The following OTUD7A variants were observed in gnomAD, a reference collection of about 807,000 sequenced individuals.
OTUD7A encodes the protein OTU domain-containing protein 7A.
In OTUD7A, 12 loss-of-function variants were observed where a neutral mutation model predicts 65.7. That is an observed-to-expected ratio of 0.18 (90% CI 0.12 to 0.30). OTUD7A has a LOEUF of 0.30. OTUD7A is among the 10% of genes least tolerant of loss of function. The probability of loss-of-function intolerance (pLI) is 1.00; values close to 1 mark genes in which losing one functional copy is unlikely to be tolerated. For synonymous variants in OTUD7A, 641 were observed against 586.3 expected (o/e 1.09, Z -1.35); for missense variants, 1,148 against 1,304.8 (o/e 0.88, Z 1.85).
intron 1 of OTUD7A, among the ~76,000 whole-genome samples, chr15:31,785,815 G>A (rs1895657663): frequency 6.6e-6 from 1 of 152,244 alleles, no homozygotes; most frequent in Non-Finnish European, 1.5e-5. Context: ...TCCACAAAGT[G>A]AGGAGAGCAG....
intron 5 of OTUD7A, among the ~76,000 whole-genome samples, chr15:31,541,298 A>G (rs917865870): frequency 2.0e-5 from 3 of 152,224 alleles, no homozygotes; most frequent in African/African-American, 7.2e-5. Flanking sequence ...AGCCTAATGA[A>G]CCAAAGAAAG....
intron 3 of OTUD7A, among the ~76,000 whole-genome samples, chr15:31,653,182 G>C (rs1891889777): frequency 6.6e-6 from 1 of 151,722 alleles, no homozygotes; most frequent in Admixed American, 6.6e-5. Flanking sequence ...TGGGACCCAG[G>C]AGGCGGAGGT....
intron 1 of OTUD7A, among the ~76,000 whole-genome samples, chr15:31,806,254 T>C (rs1896266778): frequency 6.6e-6 from 1 of 152,216 alleles, no homozygotes; most frequent in African/African-American, 2.4e-5. Context: ...TGGCTCATCT[T>C]GCAATAATTG....
At chr15:31,735,607 T>G (rs1267436392) in intron 1 of OTUD7A, among the ~76,000 whole-genome samples, 1 of 152,004 alleles carries the variant, frequency 6.6e-6, no homozygotes, top group Non-Finnish European at 1.5e-5. Context: ...TATACATTGC[T>G]GGTAGGAGTG....
intron 1 of OTUD7A, among the ~76,000 whole-genome samples, chr15:31,864,921 T>A (rs1244471062): frequency 6.6e-6 from 1 of 152,176 alleles, no homozygotes; most frequent in Non-Finnish European, 1.5e-5. Context: ...TTCCTTTTAT[T>A]GAACAACTTA....
Position 31,662,023 on chromosome 15 carries a change from C to T in OTUD7A, c.-99-4946G>A, listed in dbSNP as rs148837389. ...GTCCTCTCTATTTCATGTAAATCAGCACTGGGATGTAAGACTCGATCAGAT... is the reference window on the plus strand; with the variant it reads ...GTCCTCTCTATTTCATGTAAATCAGTACTGGGATGTAAGACTCGATCAGAT... On this transcript the variant is annotated intron_variant, in intron 1 of 12. Transcript: ENST00000307050. Among the ~76,000 whole-genome samples, 126 of 152,262 alleles carry T rather than the reference C, an allele frequency of 8.3e-4. 1 individual carries two copies. In the East Asian group the frequency reaches 0.012, roughly 15 times the overall value.
chr15:31,636,062 T>C (rs1891331830), intron 3 of OTUD7A, among the ~76,000 whole-genome samples: 1 of 152,242 alleles, frequency 6.6e-6, no homozygotes, highest in Non-Finnish European at 1.5e-5. Context: ...AATGCACATA[T>C]TTAAGTTTAT....
intron 1 of OTUD7A, among the ~76,000 whole-genome samples, chr15:31,680,249 G>C (rs995939048): frequency 5.3e-5 from 8 of 152,102 alleles, no homozygotes; most frequent in Admixed American, 2.0e-4. Flanking sequence ...TTTTAATATA[G>C]AATACACATT....
At chr15:31,746,100 T>C (rs758131370) in intron 1 of OTUD7A, among the ~76,000 whole-genome samples, 12 of 152,216 alleles carry the variant, frequency 7.9e-5, no homozygotes, top group East Asian at 1.9e-4. Context: ...ATAGAAATGA[T>C]GCCACTCATT....
At chr15:31,766,910 C>T in intron 1 of OTUD7A, 2 of 1,610,394 alleles carry the variant, frequency 1.2e-6, no homozygotes, top group Non-Finnish European at 1.7e-6. Flanking sequence ...TCTACAATTC[C>T]TTCCAAAGAA....
At chr15:31,785,828 C>T (rs971189428) in intron 1 of OTUD7A, among the ~76,000 whole-genome samples, 1 of 152,330 alleles carries the variant, frequency 6.6e-6, no homozygotes, top group East Asian at 1.9e-4. Flanking sequence ...GAGAGCAGCA[C>T]CTTCCTTGGC....
In OTUD7A at chr15:31,730,293, C is replaced by A. The variant is rs142340426; in HGVS notation, c.-99-73216G>T. Among the ~76,000 whole-genome samples the A allele has an allele frequency of 5.3e-5, 8 of 152,310 alleles. No individual in the cohort carries two copies. In the East Asian group the frequency reaches 1.5e-3, roughly 29 times the overall value. ...AGGCTACAGTATTCTGTGATAGCAG[C>A]CCACGGTGCCTGAGAGACAACCCTC... is the stretch of plus-strand genomic sequence containing the variant. On this transcript the variant is annotated intron_variant, in intron 1 of 12. Transcript: ENST00000307050.
At chr15:31,797,069 G>C (rs1895982201) in intron 1 of OTUD7A, among the ~76,000 whole-genome samples, 1 of 152,192 alleles carries the variant, frequency 6.6e-6, no homozygotes. Context: ...AAGCATGGGG[G>C]TGCGGGGGGA....
chr15:31,744,060 A>G (rs761215641), intron 1 of OTUD7A, among the ~76,000 whole-genome samples: 14 of 152,232 alleles, frequency 9.2e-5, no homozygotes, highest in Admixed American at 5.9e-4. Flanking sequence ...GTGACATAAA[A>G]GGAAACAGAA....
intron 4 of OTUD7A, among the ~76,000 whole-genome samples, chr15:31,559,527 C>G (rs909125751): frequency 1.3e-5 from 2 of 152,014 alleles, no homozygotes; most frequent in African/African-American, 4.8e-5. Context: ...CACATGAATA[C>G]GAAAGCATAC....
intron 1 of OTUD7A, among the ~76,000 whole-genome samples, chr15:31,835,554 T>G (rs1244860120): frequency 6.6e-6 from 1 of 152,178 alleles, no homozygotes; most frequent in Non-Finnish European, 1.5e-5. Flanking sequence ...GAAATGCAAG[T>G]ATGCTGTTTT....
At chr15:31,610,591 AATTATAT>A (rs1405298189) in intron 3 of OTUD7A, among the ~76,000 whole-genome samples, 20 of 110,412 alleles carry the variant, frequency 1.8e-4, no homozygotes, top group Non-Finnish European at 2.5e-4. Context: ...AGAAAAATGA[AATTATAT>A]ATATATATAT....
At chr15:31,800,088 T>C (rs1896079513) in intron 1 of OTUD7A, among the ~76,000 whole-genome samples, 1 of 152,100 alleles carries the variant, frequency 6.6e-6, no homozygotes, top group Non-Finnish European at 1.5e-5. Flanking sequence ...AATCTGGCAG[T>C]GATATTAGGA....
chr15:31,756,545 G>C (rs564884089), intron 1 of OTUD7A, among the ~76,000 whole-genome samples: 38 of 151,982 alleles, frequency 2.5e-4, no homozygotes, highest in Non-Finnish European at 4.3e-4. Flanking sequence ...AACATGGCCA[G>C]GGTGACAGAG....
Sources: gnomAD v4.1 joint callset for allele counts (sites outside exome capture counted in the v4.1 genomes callset) on GRCh38, gnomAD v4.1.1 for gene constraint, MANE v1.5 for transcripts, NCBI Gene and HGNC (gene_info 2026-07-23, HGNC 2026-07-21) for gene names.